The following ATP8A1 variants were observed in gnomAD, a reference collection of about 807,000 sequenced individuals.
The protein encoded by ATP8A1 is phospholipid-transporting ATPase IA.
A neutral mutation model predicts 177.7 loss-of-function variants in ATP8A1; 90 were observed. That is an observed-to-expected ratio of 0.51 (90% CI 0.43 to 0.60). The LOEUF (loss-of-function observed/expected upper bound fraction) is 0.60, where lower values mean the gene tolerates loss of function less well. ATP8A1 is among the 20% of genes least tolerant of loss of function. The pLI, the probability that ATP8A1 is intolerant of heterozygous loss-of-function variation, is 0.00. For synonymous variants in ATP8A1, 493 were observed against 485.9 expected, an observed-to-expected ratio of 1.01 and a Z score of -0.19; for missense variants, 1,072 against 1,392.8, an observed-to-expected ratio of 0.77 and a Z score of 3.67.
chr4:42,509,747 G>T (rs1724803336), intron 22 of ATP8A1, among the ~76,000 whole-genome samples: 1 of 151,476 alleles, frequency 6.6e-6, no homozygotes, highest in Non-Finnish European at 1.5e-5. Context: ...AGCTACTCGG[G>T]AGGCTGAGGC....
chr4:42,624,666 A>C, intron 3 of ATP8A1, 32 bp from the exon 4 acceptor site: 1 of 1,166,354 alleles, frequency 8.6e-7, no homozygotes, highest in Non-Finnish European at 1.2e-6. Flanking sequence ...AGAGAAATCC[A>C]ATGAGAACTA....
chr4:42,522,267 T>C lies in ATP8A1; in HGVS notation c.1840A>G (p.Ile614Val). 6.2e-7 allele frequency: 1 copy of C among 1,613,754 alleles called. No individual in the cohort carries two copies. The highest frequency in any genetic ancestry group is 8.5e-7 in the Non-Finnish European group (1 of 1,179,866). The change falls in exon 22 of 37, where the codon ATT becomes GTT. Residue 614 changes from isoleucine to valine, a missense_variant. By Grantham distance (29) the Ile-to-Val change is conservative. Transcript: ENST00000381668. ...CACTCCTGAAAGTCGCTCTCTGAAA[T>C]CTCAGCCACAGCAAAACATAAAGTT... ...LRTLCFAVAE[I>V]SESDFQEWRA...
chr4:42,598,558 T>A (rs962308726), intron 6 of ATP8A1, among the ~76,000 whole-genome samples: 2 of 152,176 alleles, frequency 1.3e-5, no homozygotes, highest in Non-Finnish European at 2.9e-5. Context: ...GAAAATATAA[T>A]AATTTCCCTG....
intron 22 of ATP8A1, among the ~76,000 whole-genome samples, chr4:42,511,304 T>C (rs749852365): frequency 3.3e-5 from 5 of 152,232 alleles, no homozygotes; most frequent in South Asian, 4.1e-4. Flanking sequence ...CAAGAGTGTT[T>C]AGGCTATAAT....
intron 5 of ATP8A1, among the ~76,000 whole-genome samples, chr4:42,614,854 T>C (rs1736741515): frequency 6.6e-6 from 1 of 152,286 alleles, no homozygotes; most frequent in South Asian, 2.1e-4. Flanking sequence ...CATAAAAATA[T>C]CTTCTCCATT....
At chr4:42,459,071 G>A (rs1206100811) in intron 27 of ATP8A1, among the ~76,000 whole-genome samples, 1 of 152,176 alleles carries the variant, frequency 6.6e-6, no homozygotes, top group African/African-American at 2.4e-5. Context: ...GATTTAAAAG[G>A]TCATTACCAA....
intron 21 of ATP8A1, among the ~76,000 whole-genome samples, chr4:42,522,644 G>T (rs1484928597): frequency 6.6e-6 from 1 of 152,148 alleles, no homozygotes; most frequent in African/African-American, 2.4e-5. Context: ...GCTTATACAT[G>T]TTTCATCAGG....
intron 24 of ATP8A1, among the ~76,000 whole-genome samples, chr4:42,495,682 A>G (rs1344521789): frequency 6.6e-6 from 1 of 152,100 alleles, no homozygotes; most frequent in Non-Finnish European, 1.5e-5. Context: ...CCTGTACTAG[A>G]ACATAATGTT....
Position 42,412,433 on chromosome 4 carries a change from A to C in ATP8A1, c.*483T>G, listed in dbSNP as rs1411090780. On this transcript the variant is annotated 3_prime_UTR_variant, in exon 37 of 37. Transcript: ENST00000381668. ...TTTGGACACAAATGCTTGTTTAGAA[A>C]TTTTGCTCAGGAAGGTGAGTCAGTT... 1.3e-5 allele frequency: 2 copies of C among 152,232 alleles called. No homozygotes were observed. The highest frequency in any genetic ancestry group is 2.9e-5 in the Non-Finnish European group (2 of 68,070). 9.4% of individuals were successfully genotyped at this position (152,232 alleles called of 1,614,324 possible).
chr4:42,650,503 C>T (rs539912854), intron 1 of ATP8A1, among the ~76,000 whole-genome samples: 9 of 152,260 alleles, frequency 5.9e-5, no homozygotes, highest in African/African-American at 1.9e-4. Flanking sequence ...TCATCTTTTA[C>T]CTGGAATAGC....
At chr4:42,430,084 T>A (rs1038803118) in intron 33 of ATP8A1, among the ~76,000 whole-genome samples, 1 of 152,176 alleles carries the variant, frequency 6.6e-6, no homozygotes, top group East Asian at 1.9e-4. Flanking sequence ...CTTAATGCCA[T>A]TGAATTTACA....
chr4:42,633,618 AG>A (rs1376423126), intron 1 of ATP8A1, among the ~76,000 whole-genome samples: 1 of 152,220 alleles, frequency 6.6e-6, no homozygotes, highest in East Asian at 1.9e-4. Flanking sequence ...AATTGACAGA[AG>A]TCTCTGTGCT....
intron 16 of ATP8A1, among the ~76,000 whole-genome samples, chr4:42,555,130 TATCTATCTAATCTATCTATCTATC>T (rs1467261363): frequency 4.6e-4 from 38 of 82,912 alleles, no homozygotes; most frequent in Middle Eastern, 5.7e-3. Flanking sequence ...TCTATCTATC[TATCTATCTAATCTATCTATCTATC>T]TATCTATCTA....
intron 4 of ATP8A1, among the ~76,000 whole-genome samples, chr4:42,618,688 C>T (rs377384483): frequency 6.6e-6 from 1 of 152,172 alleles, no homozygotes; most frequent in South Asian, 2.1e-4. Flanking sequence ...TGACAAAACC[C>T]CTTCCTTGCA....
chr4:42,408,713 G>A lies in ATP8A1; in HGVS notation c.*4203C>T, dbSNP rs1355490093. On this transcript the variant is annotated 3_prime_UTR_variant, in exon 37 of 37. Coordinates refer to ENST00000381668, the MANE Select transcript of ATP8A1 (RefSeq NM_006095.2). ...TTTTCTGTAGTAGCTGCCTTCCAAGGCTGCCCTGTTTTTCTTAACCTAATA... is the reference window on the plus strand; with the variant it reads ...TTTTCTGTAGTAGCTGCCTTCCAAGACTGCCCTGTTTTTCTTAACCTAATA... The A allele has an allele frequency of 6.6e-6, 1 of 152,140 alleles. No individual in the cohort carries two copies. The highest frequency in any genetic ancestry group is 2.1e-4 in the South Asian group (1 of 4,822). The allele number at this position is 152,140 out of a possible 1,614,324, so 9.4% of individuals were successfully genotyped here.
rs1237384860 is a variant in ATP8A1 at position 42,411,770 on chromosome 4, C to G, written c.*1146G>C. 1 of 152,108 alleles carries G rather than the reference C, an allele frequency of 6.6e-6. No homozygotes were observed. Among genetic ancestry groups the G allele is most frequent in the Non-Finnish European group, 1.5e-5 (1 of 68,024 alleles). The allele number at this position is 152,108 out of a possible 1,614,324, so 9.4% of individuals were successfully genotyped here. ...TGTACTACCTATTTGTCCCAATAAGCAGCATGTGACGAATTTTGGGAACTA... is the reference window on the plus strand; with the variant it reads ...TGTACTACCTATTTGTCCCAATAAGGAGCATGTGACGAATTTTGGGAACTA... On this transcript the variant is annotated 3_prime_UTR_variant, in exon 37 of 37. Transcript: ENST00000381668.
chr4:42,472,357 G>GA (rs1720522190), intron 25 of ATP8A1: 1 of 391,180 alleles, frequency 2.6e-6, no homozygotes, highest in African/African-American at 2.1e-5. Flanking sequence ...TGTTAATTTT[G>GA]AATTCCCAGA....
intron 31 of ATP8A1, 64 bp from the exon 32 acceptor site, chr4:42,444,698 G>C: frequency 6.7e-7 from 1 of 1,485,116 alleles, no homozygotes; most frequent in Non-Finnish European, 9.4e-7. Context: ...AATGACTGAA[G>C]GATTTATAAA....
At chr4:42,500,098 C>A (rs969196729) in intron 24 of ATP8A1, among the ~76,000 whole-genome samples, 4 of 152,190 alleles carry the variant, frequency 2.6e-5, no homozygotes, top group Non-Finnish European at 5.9e-5. Flanking sequence ...GGCGCAGTGG[C>A]TCATGCCTGT....
Sources: allele counts gnomAD v4.1 joint callset (sites outside exome capture counted in the v4.1 genomes callset), GRCh38; gene constraint gnomAD v4.1.1; transcripts MANE v1.5; gene names NCBI Gene and HGNC (gene_info 2026-07-23, HGNC 2026-07-21).